C11orf65: variants seen among roughly 807,000 people sequenced by gnomAD.
The protein encoded by C11orf65 is chromosome 11 open reading frame 65.
In C11orf65, 38 loss-of-function variants were observed where a neutral mutation model predicts 35.3. The observed-to-expected ratio is 1.08, with a 90% CI of 0.83 to 1.41. C11orf65 has a LOEUF of 1.41. Ranked by LOEUF, C11orf65 falls within the 40% of genes most tolerant of loss-of-function variation. The pLI, the probability that C11orf65 is intolerant of heterozygous loss-of-function variation, is 0.00. For missense variants in C11orf65, 370 were observed against 367.1 expected, an observed-to-expected ratio of 1.01 and a Z score of -0.06; for synonymous variants, 105 against 114.4, an observed-to-expected ratio of 0.92 and a Z score of 0.53.
At chr11:108,358,562 T>A (rs1431975458) in intron 2 of C11orf65, among the ~76,000 whole-genome samples, 3 of 122,420 alleles carry the variant, frequency 2.5e-5, no homozygotes, top group Non-Finnish European at 5.2e-5. Flanking sequence ...CGGGTTACCC[T>A]CAAAGGGAAG....
At chr11:108,332,511 T>C (rs1412741422) in intron 3 of C11orf65, among the ~76,000 whole-genome samples, 1 of 152,152 alleles carries the variant, frequency 6.6e-6, no homozygotes, top group Admixed American at 6.5e-5. Flanking sequence ...ATACCAGTAG[T>C]AGTTTACTTT....
At chr11:108,375,019 C>A (rs547720518) in intron 2 of C11orf65, among the ~76,000 whole-genome samples, 14 of 152,108 alleles carry the variant, frequency 9.2e-5, no homozygotes, top group Admixed American at 8.5e-4. Context: ...GATTGGTGTA[C>A]CTGAAAGTGA....
At chr11:108,385,801 T>C (rs2091981854) in intron 8 of C11orf65, 119 bp downstream of exon 8, 6 of 761,914 alleles carry the variant, frequency 7.9e-6, no homozygotes, top group Non-Finnish European at 1.3e-5. Flanking sequence ...ACTTGACAAA[T>C]GCATCTAAAT....
At chr11:108,453,565 T>C (rs1005868515) in intron 2 of C11orf65, among the ~76,000 whole-genome samples, 7 of 152,184 alleles carry the variant, frequency 4.6e-5, no homozygotes, top group Admixed American at 2.6e-4. Context: ...AAAGATGTCA[T>C]GTAGGTACTC....
rs963083902 is a variant in C11orf65 at position 108,407,115 on chromosome 11, A to C, written c.209T>G (p.Val70Gly). The C allele has an allele frequency of 5.0e-6, 8 of 1,610,706 alleles. No individual in the cohort carries two copies. The highest frequency in any genetic ancestry group is 5.9e-6 in the Non-Finnish European group (7 of 1,177,734). ...ACTTACTCCACCTAATCTGAATCGC[A>C]CATGAATGCCAGCAGCAGCATCTAG... Reference protein sequence around the residue: ...ELLDAAAGIHVRFRLGGVKFP... With the variant: ...ELLDAAAGIHGRFRLGGVKFP... Residue 70 changes from valine to glycine, a missense_variant, in exon 4 of 9, where the codon GTG (valine) becomes GGG (glycine). Coordinates refer to ENST00000393084, the MANE Select transcript of C11orf65 (RefSeq NM_152587.5).
chr11:108,383,238 C>T, intron 8 of C11orf65, 63 bp from the exon 9 acceptor site: 1 of 1,346,548 alleles, frequency 7.4e-7, no homozygotes, highest in Non-Finnish European at 1.0e-6. Flanking sequence ...ACTCAAAATG[C>T]TACTGTGTTG....
intron 2 of C11orf65, chr11:108,336,062 C>A: frequency 1.1e-6 from 1 of 885,806 alleles, no homozygotes; most frequent in Non-Finnish European, 1.8e-6. Flanking sequence ...TTTGGGAGGC[C>A]AAGGTGGGAG....
chr11:108,383,931 C>T (rs894330585), intron 8 of C11orf65, among the ~76,000 whole-genome samples: 4 of 148,906 alleles, frequency 2.7e-5, no homozygotes, highest in East Asian at 2.0e-4. Context: ...AGTGCAGTGG[C>T]GCAATCGCAC....
chr11:108,422,814 G>A (rs750361148), intron 3 of C11orf65, among the ~76,000 whole-genome samples: 23 of 151,764 alleles, frequency 1.5e-4, no homozygotes, highest in African/African-American at 3.1e-4. Flanking sequence ...CCTGGGAGGC[G>A]GAGGTTGCAG....
chr11:108,453,400 T>C (rs1188928609), intron 2 of C11orf65, among the ~76,000 whole-genome samples: 1 of 151,754 alleles, frequency 6.6e-6, no homozygotes, highest in Non-Finnish European at 1.5e-5. Flanking sequence ...GCCCAATGAA[T>C]ACAGTAATTA....
intron 3 of C11orf65, among the ~76,000 whole-genome samples, chr11:108,414,086 T>C (rs142372055): frequency 8.1e-4 from 123 of 152,008 alleles, no homozygotes; most frequent in Admixed American, 3.6e-3. Context: ...ATCAATGAAA[T>C]TGATAACAAG....
chr11:108,433,265 A>C (rs148624186), intron 2 of C11orf65, among the ~76,000 whole-genome samples: 3,575 of 148,156 alleles, frequency 0.024, 85 homozygotes, highest in African/African-American at 0.066. Flanking sequence ...CTCTCTCTAT[A>C]TATATATAGA....
intron 3 of C11orf65, among the ~76,000 whole-genome samples, chr11:108,414,172 G>A (rs930488328): frequency 6.6e-6 from 1 of 151,786 alleles, no homozygotes; most frequent in Non-Finnish European, 1.5e-5. Context: ...TCTGGCTAGG[G>A]TAACTAAGAA....
chr11:108,451,468 AAGG>A (rs1467868436), intron 2 of C11orf65, among the ~76,000 whole-genome samples: 2 of 152,104 alleles, frequency 1.3e-5, no homozygotes, highest in African/African-American at 4.8e-5. Context: ...GGACCTCTTC[AAGG>A]AGAACTACAA....
At chr11:108,454,784 G>C (rs994100897) in intron 2 of C11orf65, among the ~76,000 whole-genome samples, 1 of 152,120 alleles carries the variant, frequency 6.6e-6, no homozygotes, top group Non-Finnish European at 1.5e-5. Context: ...AGTTAGTCTA[G>C]TTAAAGATTT....
chr11:108,312,489 A>T, intron 6 of C11orf65: 1 of 1,562,768 alleles, frequency 6.4e-7, no homozygotes, highest in South Asian at 1.1e-5. Flanking sequence ...AAACTGGAAT[A>T]AGTTTACAGG....
intron 2 of C11orf65, among the ~76,000 whole-genome samples, chr11:108,455,295 T>A (rs867383119): frequency 3.3e-5 from 5 of 152,174 alleles, no homozygotes; most frequent in Non-Finnish European, 7.4e-5. Flanking sequence ...AAAAGGAAGA[T>A]GTTAAATTGT....
intron 3 of C11orf65, among the ~76,000 whole-genome samples, chr11:108,408,143 T>C (rs2092582252): frequency 6.6e-6 from 1 of 151,698 alleles, no homozygotes; most frequent in African/African-American, 2.4e-5. Flanking sequence ...TAATTTCTTA[T>C]GGACATCTAT....
intron 6 of C11orf65, among the ~76,000 whole-genome samples, chr11:108,395,528 A>G (rs1475519190): frequency 4.6e-5 from 7 of 151,366 alleles, no homozygotes; most frequent in Non-Finnish European, 1.0e-4. Context: ...CATATTGGCC[A>G]GGCTGGTCTC....
Sources: allele counts gnomAD v4.1 joint callset (sites outside exome capture counted in the v4.1 genomes callset), GRCh38; gene constraint gnomAD v4.1.1; transcripts MANE v1.5; gene names NCBI Gene and HGNC (gene_info 2026-07-23, HGNC 2026-07-21).